The following BICRA variants were observed in gnomAD, a reference collection of about 807,000 sequenced individuals.
BICRA encodes BRD4 interacting chromatin remodeling complex associated protein.
In BICRA, 31 loss-of-function variants were observed where a neutral mutation model predicts 96.9. That is an observed-to-expected ratio of 0.32 (90% CI 0.24 to 0.43). The LOEUF is 0.43. BICRA is among the 20% of genes least tolerant of loss of function. The probability of loss-of-function intolerance (pLI) is 1.00; values close to 1 mark genes in which losing one functional copy is unlikely to be tolerated. For synonymous variants in BICRA, 1,350 were observed against 1,071.8 expected, an observed-to-expected ratio of 1.26 and a Z score of -5.07; for missense variants, 2,283 against 2,190.3, an observed-to-expected ratio of 1.04 and a Z score of -0.84.
intron 5 of BICRA, 31 bp from the exon 6 acceptor site, chr19:47,679,290 C>G: frequency 3.5e-6 from 5 of 1,413,856 alleles, no homozygotes; most frequent in Non-Finnish European, 4.6e-6. Flanking sequence ...CTAACCTCAG[C>G]TCTTTCCTTC....
In BICRA at chr19:47,694,481, ACCT is replaced by A. The variant is rs766461426; in HGVS notation, c.2655_2657del (p.Ser886del). 1.6e-5 allele frequency: 10 copies of A among 635,778 alleles called. No homozygotes were observed. The highest frequency in any genetic ancestry group is 2.1e-5 in the Non-Finnish European group (10 of 475,190). 39.4% of individuals were successfully genotyped at this position (635,778 alleles called of 1,614,324 possible). A position where few individuals can be genotyped will look rare whatever the true frequency, so the allele number is the denominator to read the frequency against. On this transcript the variant is annotated inframe_deletion, in exon 8 of 15. Transcript: ENST00000594866. Reference sequence around the variant, plus strand: ...AGCCCCCCACCTCCCTCCATCCTCCACCTCCTCTGCTGTGGCCTCCTCCTCTGA... The same window carrying A: ...AGCCCCCCACCTCCCTCCATCCTCCACCTCTGCTGTGGCCTCCTCCTCTGA...
intron 1 of BICRA, among the ~76,000 whole-genome samples, chr19:47,659,682 G>GCACA (rs1416983944): frequency 9.0e-6 from 1 of 111,086 alleles, no homozygotes; most frequent in Admixed American, 9.9e-5. Context: ...ACATGGTGGT[G>GCACA]CATACACACA....
At position 47,680,772 on chromosome 19, in the gene BICRA, C is replaced by A. The variant is rs201151265; in HGVS notation, c.1602C>A (p.Ser534=). The A allele has an allele frequency of 2.1e-3, 3,350 of 1,610,112 alleles. 8 individuals carry two copies. Among genetic ancestry groups the A allele is most frequent in the Non-Finnish European group, 2.5e-3 (2,997 of 1,178,866 alleles). ...LSLGPVLAPH[S]GAHSAHILSA... ...TGGGCCCCGTGTTGGCCCCCCACTCCGGGGCCCACAGCGCGCACATCCTCT... is the reference window on the plus strand; with the variant it reads ...TGGGCCCCGTGTTGGCCCCCCACTCAGGGGCCCACAGCGCGCACATCCTCT... Residue 534 remains serine, a synonymous_variant, in exon 6 of 15, where the codon TCC becomes TCA. Coordinates refer to ENST00000594866, the MANE Select transcript of BICRA (RefSeq NM_001394372.1).
At chr19:47,690,640 C>T (rs1478127275) in intron 7 of BICRA, among the ~76,000 whole-genome samples, 1 of 152,042 alleles carries the variant, frequency 6.6e-6, no homozygotes, top group Admixed American at 6.6e-5. Flanking sequence ...CTTTTCTGTG[C>T]ACTGTCTGAT....
At chr19:47,668,074 T>G (rs1972809288) in intron 1 of BICRA, among the ~76,000 whole-genome samples, 1 of 151,994 alleles carries the variant, frequency 6.6e-6, no homozygotes, top group South Asian at 2.1e-4. Flanking sequence ...ACTAAAAATA[T>G]AAAAAATTAG....
intron 1 of BICRA, among the ~76,000 whole-genome samples, chr19:47,653,038 T>C (rs988328929): frequency 1.1e-3 from 158 of 146,960 alleles, no homozygotes; most frequent in Non-Finnish European, 1.7e-3. Context: ...TTTTTTTTTT[T>C]CCGAGACAGG....
chr19:47,655,804 C>T (rs576367699), intron 1 of BICRA, among the ~76,000 whole-genome samples: 3 of 151,046 alleles, frequency 2.0e-5, no homozygotes, highest in Non-Finnish European at 2.9e-5. Flanking sequence ...TGCAGTGAGC[C>T]GAGATCGCTG....
chr19:47,679,832 G>T lies in BICRA; in HGVS notation c.662G>T (p.Ser221Ile). The change falls in exon 6 of 15, where the codon AGC becomes ATC. Residue 221 changes from serine (S) to isoleucine (I), a missense_variant. Transcript: ENST00000594866. ...GGCCTCCAAGGCCTGCCCAATGGCA[G>T]CCCTGGGGGTGCCACGGCGGCCACA... ...IPGLQGLPNGSPGGATAATLG... is the reference protein window; with the variant it reads ...IPGLQGLPNGIPGGATAATLG... The T allele has an allele frequency of 1.3e-6, 2 of 1,489,308 alleles. No individual in the cohort carries two copies. The highest frequency in any genetic ancestry group is 8.9e-7 in the Non-Finnish European group (1 of 1,124,670). The allele number at this position is 1,489,308 out of a possible 1,614,324, so 92.3% of individuals were successfully genotyped here.
intron 7 of BICRA, among the ~76,000 whole-genome samples, chr19:47,687,821 CAAA>C (rs5828311): frequency 8.1e-6 from 1 of 123,578 alleles, no homozygotes; most frequent in African/African-American, 3.1e-5. Flanking sequence ...GACTCTGCCT[CAAA>C]AAAAAAAAAA....
Position 47,679,464 on chromosome 19 carries a change from C to A in BICRA, c.294C>A (p.Asp98Glu). 6.6e-7 allele frequency: 1 copy of A among 1,522,768 alleles called. No homozygotes were observed. The highest frequency in any genetic ancestry group is 2.2e-5 in the Admixed American group (1 of 46,322). The allele number at this position is 1,522,768 out of a possible 1,614,324, so 94.3% of individuals were successfully genotyped here. Residue 98 changes from aspartate to glutamate, a missense_variant, in exon 6 of 15, where the codon GAC (aspartate) becomes GAA (glutamate). By Grantham distance (45) the Asp-to-Glu change is conservative. Coordinates refer to ENST00000594866, the MANE Select transcript of BICRA (RefSeq NM_001394372.1). ...GCGGCGGGGGCAGTGGGGGCGCTGA[C>A]CAGCCCTGTGACATCCTCCAGCAGA... is the stretch of plus-strand genomic sequence containing the variant. ...GGGGGGSGGA[D>E]QPCDILQQSL...
At chr19:47,608,821 G>A (rs533876173), upstream of BICRA, among the ~76,000 whole-genome samples, 1,321 of 150,918 alleles carry the variant, frequency 8.8e-3, 11 homozygotes, top group African/African-American at 0.03. Context: ...CCCTCCTCCG[G>A]CGAGGGCGGA....
At position 47,610,011 on chromosome 19, in the gene BICRA, GC is replaced by G. The variant is rs576936388; in HGVS notation, c.-108+849del. Among the ~76,000 whole-genome samples, 948 of 152,286 alleles carry G rather than the reference GC, an allele frequency of 6.2e-3. 6 individuals carry two copies. The highest frequency in any genetic ancestry group is 0.017 in the Middle Eastern group (5 of 294). On this transcript the variant is annotated intron_variant, in intron 1 of 14. Transcript: ENST00000594866. ...CTGTCACTTCCCGAGGTTCGGGGCG[GC>G]CCCCCATCTCCTACCCCTCGGCCTG...
intron 1 of BICRA, among the ~76,000 whole-genome samples, chr19:47,659,199 G>T (rs1370182855): frequency 6.6e-6 from 1 of 152,140 alleles, no homozygotes; most frequent in African/African-American, 2.4e-5. Flanking sequence ...GACATCAGTC[G>T]CTTTATGAGC....
chr19:47,664,648 T>C (rs1056764172), intron 1 of BICRA, among the ~76,000 whole-genome samples: 4 of 152,158 alleles, frequency 2.6e-5, no homozygotes, highest in African/African-American at 9.7e-5. Context: ...CAATGCGGGC[T>C]CTTCAGGGTG....
At chr19:47,660,370 A>G (rs919600632) in intron 1 of BICRA, among the ~76,000 whole-genome samples, 1 of 152,212 alleles carries the variant, frequency 6.6e-6, no homozygotes, top group African/African-American at 2.4e-5. Context: ...AATCCAGGAC[A>G]GTCTCATCTC....
At position 47,702,067 on chromosome 19, in the gene BICRA, G is replaced by T; in HGVS notation, c.4335G>T (p.Lys1445Asn). 1.3e-6 allele frequency: 2 copies of T among 1,510,620 alleles called. No individual in the cohort carries two copies. Among genetic ancestry groups the T allele is most frequent in the Non-Finnish European group, 8.8e-7 (1 of 1,137,904 alleles). 93.6% of individuals were successfully genotyped at this position (1,510,620 alleles called of 1,614,324 possible). A position where few individuals can be genotyped will look rare whatever the true frequency, so the allele number is the denominator to read the frequency against. The change falls in exon 15 of 15, where the codon AAG (lysine) becomes AAT (asparagine). Residue 1445 changes from lysine to asparagine, a missense_variant. By Grantham distance (94) the Lys-to-Asn change is moderately conservative. Transcript: ENST00000594866. ...VEDELYQRML[K>N]GPPPEPAASA... ...ACGAGCTGTACCAGCGTATGCTGAAGGGCCCCCCGCCAGAGCCCGCAGCCA... is the reference window on the plus strand; with the variant it reads ...ACGAGCTGTACCAGCGTATGCTGAATGGCCCCCCGCCAGAGCCCGCAGCCA...
At position 47,666,705 on chromosome 19, in the gene BICRA, T is replaced by G. The variant is rs544881882; in HGVS notation, c.-107-3738T>G. On this transcript the variant is annotated intron_variant, in intron 1 of 14. Coordinates refer to ENST00000594866, the MANE Select transcript of BICRA (RefSeq NM_001394372.1). Reference sequence around the variant, plus strand: ...TCCCACCTCAGCCTCCCGAGTAGATTGGACCACAGGTGCCCACCACCACCC... The same window carrying G: ...TCCCACCTCAGCCTCCCGAGTAGATGGGACCACAGGTGCCCACCACCACCC... 1.7e-4 allele frequency among the ~76,000 whole-genome samples: 26 copies of G among 151,794 alleles called. No homozygotes were observed. The South Asian group carries it at 5.0e-3, about 29-fold the overall frequency.
chr19:47,681,176 G>A lies in BICRA; in HGVS notation c.2006G>A (p.Gly669Asp), dbSNP rs1376917442. The A allele has an allele frequency of 1.3e-6, 2 of 1,528,802 alleles. No individual in the cohort carries two copies. The highest frequency in any genetic ancestry group is 2.7e-5 in the African/African-American group (2 of 72,848). The allele number at this position is 1,528,802 out of a possible 1,614,324, so 94.7% of individuals were successfully genotyped here. The part of the protein sequence containing the change: ...PQATTPQPSP[G>D]LASSPEKIVL... ...GCCACCACCCCCCAGCCCAGCCCTG[G>A]CCTGGCGTCTAGCCCGGAGAAGATC... Residue 669 changes from glycine to aspartate, a missense_variant, in exon 6 of 15, where the codon GGC becomes GAC. Gly to Asp is a moderately conservative substitution (Grantham distance 94). Coordinates refer to ENST00000594866, the MANE Select transcript of BICRA (RefSeq NM_001394372.1).
chr19:47,629,371 T>A (rs1427035165), intron 1 of BICRA, among the ~76,000 whole-genome samples: 1 of 152,194 alleles, frequency 6.6e-6, no homozygotes, highest in Non-Finnish European at 1.5e-5. Flanking sequence ...TCCATTCAAC[T>A]TTCTGTCTCT....
Sources: allele counts gnomAD v4.1 joint callset (sites outside exome capture counted in the v4.1 genomes callset), GRCh38; gene constraint gnomAD v4.1.1; transcripts MANE v1.5; gene names NCBI Gene and HGNC (gene_info 2026-07-23, HGNC 2026-07-21).